LRRC37A2: variants seen among roughly 807,000 people sequenced by gnomAD.
LRRC37A2 encodes the protein leucine rich repeat containing 37 member A2.
Under a neutral mutation model 68.8 loss-of-function variants are expected in LRRC37A2, and 9 were observed. The ratio of observed to expected loss-of-function variants is 0.13; its 90% CI spans 0.08 to 0.23. LRRC37A2 has a LOEUF of 0.23. Among genes scored for constraint, LRRC37A2 ranks in the 10% least tolerant of loss-of-function variants. The pLI is 1.00. For synonymous variants in LRRC37A2, 63 were observed against 367.6 expected (o/e 0.17, Z 9.48); for missense variants, 168 against 950.4 (o/e 0.18, Z 10.82).
At chr17:46,819,996 G>C in the LRRC37A2 span, among the ~76,000 whole-genome samples, 1 of 152,240 alleles carries the variant, frequency 6.6e-6, no homozygotes, top group Non-Finnish European at 1.5e-5. This position sits in a 1 kb window ranked among gnomAD's most constrained non-coding sequence, Gnocchi z 5.3. Context: ...GGACCGCTGT[G>C]TAGGGAACTG....
chr17:46,884,364 C>A, the LRRC37A2 span, among the ~76,000 whole-genome samples: 1 of 152,198 alleles, frequency 6.6e-6, no homozygotes, highest in African/African-American at 2.4e-5. Context: ...TGCAGTGGTG[C>A]CGCCCCCGCC....
chr17:46,978,687 C>A, the LRRC37A2 span: 1 of 1,610,926 alleles, frequency 6.2e-7, no homozygotes, highest in Non-Finnish European at 8.5e-7. Context: ...CCTTGGAGGG[C>A]CGGCGCTCCT....
the LRRC37A2 span, among the ~76,000 whole-genome samples, chr17:46,960,997 A>G: frequency 1.3e-5 from 2 of 152,216 alleles, no homozygotes; most frequent in Admixed American, 1.3e-4. Context: ...AATAAAAATA[A>G]AAGGCATTTA....
chr17:46,795,015 T>C, the LRRC37A2 span, among the ~76,000 whole-genome samples: 1 of 152,100 alleles, frequency 6.6e-6, no homozygotes, highest in Admixed American at 6.5e-5. Context: ...CCTCCCAAAA[T>C]ACTGGGATTA....
At chr17:46,772,059 C>G in the LRRC37A2 span, among the ~76,000 whole-genome samples, 1 of 152,056 alleles carries the variant, frequency 6.6e-6, no homozygotes, top group Non-Finnish European at 1.5e-5. Context: ...GAGATTAACC[C>G]TTGGCCGCCC....
At chr17:46,621,126 G>A in the LRRC37A2 span, among the ~76,000 whole-genome samples, 1 of 140,204 alleles carries the variant, frequency 7.1e-6, no homozygotes. Flanking sequence ...AAATTCAGTG[G>A]CTACTCTCTA....
the LRRC37A2 span, chr17:46,875,049 T>C: frequency 6.2e-7 from 1 of 1,613,108 alleles, no homozygotes; most frequent in Admixed American, 1.7e-5. Context: ...GCTTCCTCCT[T>C]TCCTCTCTTC....
At chr17:46,899,839 G>A in the LRRC37A2 span, among the ~76,000 whole-genome samples, 1 of 152,066 alleles carries the variant, frequency 6.6e-6, no homozygotes, top group Non-Finnish European at 1.5e-5. Flanking sequence ...GTTGATTGCT[G>A]TTGTATTTCA....
the LRRC37A2 span, chr17:46,704,896 G>C: frequency 6.4e-7 from 1 of 1,565,868 alleles, no homozygotes; most frequent in Middle Eastern, 1.7e-4. Context: ...AAAAAGTAAT[G>C]ATAATAATAA....
chr17:46,996,272 T>C, the LRRC37A2 span, among the ~76,000 whole-genome samples: 1 of 152,208 alleles, frequency 6.6e-6, no homozygotes, highest in Non-Finnish European at 1.5e-5. Flanking sequence ...GCATCTGTTA[T>C]CAGCATTGAG....
chr17:46,849,856 T>TG, the LRRC37A2 span, among the ~76,000 whole-genome samples: 1 of 151,644 alleles, frequency 6.6e-6, no homozygotes, highest in Non-Finnish European at 1.5e-5. Flanking sequence ...TATCTTTTTT[T>TG]TTTTGTTTTG....
the LRRC37A2 span, chr17:46,940,929 A>C: frequency 7.7e-7 from 1 of 1,298,162 alleles, no homozygotes; most frequent in Non-Finnish European, 9.9e-7. Context: ...TGAAAAATAG[A>C]CCTTGGCCTA....
At chr17:46,496,619 A>C in the LRRC37A2 span, among the ~76,000 whole-genome samples, 22 of 87,912 alleles carry the variant, frequency 2.5e-4, 1 homozygote, top group East Asian at 9.8e-4. Context: ...AAAAAAAAAA[A>C]ACAAAACAAA....
chr17:46,964,366 C>T, the LRRC37A2 span: 3 of 152,316 alleles, frequency 2.0e-5, no homozygotes, highest in African/African-American at 7.2e-5. Flanking sequence ...TTCTAGACTT[C>T]TGATGGAGGT....
chr17:46,610,097 C>T, the LRRC37A2 span, among the ~76,000 whole-genome samples: 14 of 41,086 alleles, frequency 3.4e-4, 2 homozygotes, highest in Admixed American at 8.5e-4. Context: ...TCTTTTCTCT[C>T]TTTCTCTCTC....
chr17:46,569,445 G>A, the LRRC37A2 span, among the ~76,000 whole-genome samples: 1 of 149,718 alleles, frequency 6.7e-6, no homozygotes, highest in African/African-American at 2.5e-5. Context: ...GCTTATAACT[G>A]TTGAGGCTTG....
the LRRC37A2 span, among the ~76,000 whole-genome samples, chr17:46,494,254 G>A: frequency 6.0e-5 from 9 of 150,932 alleles, 1 homozygote; most frequent in African/African-American, 2.2e-4. Flanking sequence ...GTGTTTCATT[G>A]TCTTAGCGGT....
At chr17:46,898,971 T>C in the LRRC37A2 span, among the ~76,000 whole-genome samples, 1 of 152,192 alleles carries the variant, frequency 6.6e-6, no homozygotes, top group South Asian at 2.1e-4. Flanking sequence ...TGAATGTTCA[T>C]AGCAGCATTA....
At chr17:46,890,175 A>G in the LRRC37A2 span, among the ~76,000 whole-genome samples, 1 of 152,054 alleles carries the variant, frequency 6.6e-6, no homozygotes, top group African/African-American at 2.4e-5. Context: ...CTGCTCCTGC[A>G]GTCTTGTGCC....
Sources: gnomAD v4.1 joint callset for allele counts (sites outside exome capture counted in the v4.1 genomes callset) on GRCh38, gnomAD v4.1.1 for gene constraint, Gnocchi (gnomAD v3.1) non-coding constraint, MANE v1.5 for transcripts, NCBI Gene and HGNC (gene_info 2026-07-23, HGNC 2026-07-21) for gene names.